The following ACSS1 variants were observed in gnomAD, a reference collection of about 807,000 sequenced individuals.
ACSS1 encodes the protein acyl-CoA synthetase short chain family member 1, also known as acetyl-coenzyme A synthetase 2-like, mitochondrial.
A neutral mutation model predicts 75.3 loss-of-function variants in ACSS1; 42 were observed. The ratio of observed to expected loss-of-function variants is 0.56; its 90% CI spans 0.44 to 0.72. The LOEUF (loss-of-function observed/expected upper bound fraction) is 0.72. Ranked by LOEUF, ACSS1 falls within the 30% of genes least tolerant of loss-of-function variation. The pLI is 0.00. For synonymous variants in ACSS1, 380 were observed against 376.8 expected (o/e 1.01, Z -0.10); for missense variants, 782 against 935.7 (o/e 0.84, Z 2.14).
intron 7 of ACSS1, among the ~76,000 whole-genome samples, chr20:25,015,732 T>TA (rs1316148298): frequency 1.3e-5 from 2 of 152,220 alleles, no homozygotes; most frequent in Non-Finnish European, 2.9e-5. Context: ...GATGTGTTTT[T>TA]ACCATTAGAT....
At chr20:25,011,615 T>A (rs1416351697) in intron 12 of ACSS1, 1 of 152,292 alleles carries the variant, frequency 6.6e-6, no homozygotes, top group Non-Finnish European at 1.5e-5. Context: ...TCTGGACATG[T>A]CACCGGGCAG....
chr20:25,042,969 G>T (rs1034304389), intron 2 of ACSS1, among the ~76,000 whole-genome samples: 1 of 152,132 alleles, frequency 6.6e-6, no homozygotes. Flanking sequence ...GAAAACCAAG[G>T]GTGGGAGAGG....
At chr20:25,030,633 G>A (rs778818894) in intron 3 of ACSS1, 126 bp downstream of exon 3, 109 of 1,098,772 alleles carry the variant, frequency 9.9e-5, no homozygotes, top group Non-Finnish European at 1.4e-4. Context: ...TCCCTAGTAC[G>A]ATCTGTCATT....
rs1377901771 is a variant in ACSS1 at position 25,057,998 on chromosome 20, G to A, written c.105C>T (p.Arg35=). ...ARPPCGVSAP[R]RAASGPSGSA... ...TGCCCGAGGGTCCCGAGGCCGCCCT[G>A]CGCGGCGCGCTCACCCCGCACGGCG... The change falls in exon 1 of 14, where the codon CGC becomes CGT. Residue 35 remains arginine (R), a synonymous_variant. Coordinates refer to ENST00000323482, the MANE Select transcript of ACSS1 (RefSeq NM_032501.4). 1.3e-6 allele frequency: 2 copies of A among 1,499,592 alleles called. No homozygotes were observed. Among genetic ancestry groups the A allele is most frequent in the African/African-American group, 1.4e-5 (1 of 69,198 alleles). 92.9% of individuals were successfully genotyped at this position (1,499,592 alleles called of 1,614,324 possible).
rs893556855 is a variant in ACSS1 at position 25,008,036 on chromosome 20, G to A, written c.1891-95C>T. ...AAGATCAGAAGGGCTCTGCTCAGGG[G>A]GGATGCCCTCCCGGGGATCCACAGT... On this transcript the variant is annotated intron_variant, in intron 13 of 13. Coordinates refer to ENST00000323482, the MANE Select transcript of ACSS1 (RefSeq NM_032501.4). 3 of 1,445,980 alleles carry A rather than the reference G, an allele frequency of 2.1e-6. No individual in the cohort carries two copies. In the African/African-American group the frequency reaches 4.3e-5, roughly 21 times the overall value. The allele number at this position is 1,445,980 out of a possible 1,614,324, so 89.6% of individuals were successfully genotyped here. A position where few individuals can be genotyped will look rare whatever the true frequency, so the allele number is the denominator to read the frequency against.
intron 2 of ACSS1, among the ~76,000 whole-genome samples, chr20:25,043,410 G>A (rs2089036621): frequency 6.6e-6 from 1 of 152,220 alleles, no homozygotes; most frequent in Non-Finnish European, 1.5e-5. Flanking sequence ...GTGTGTGGCA[G>A]CTCCCTCTGC....
At chr20:25,033,342 G>GGTA (rs2088859020) in intron 2 of ACSS1, among the ~76,000 whole-genome samples, 1 of 152,170 alleles carries the variant, frequency 6.6e-6, no homozygotes, top group Non-Finnish European at 1.5e-5. Flanking sequence ...AAAGGCCTGG[G>GGTA]GTAGCTTTCT....
At chr20:25,039,578 C>T (rs561902245) in intron 2 of ACSS1, among the ~76,000 whole-genome samples, 4 of 152,288 alleles carry the variant, frequency 2.6e-5, no homozygotes, top group South Asian at 2.1e-4. Context: ...TGTGGAATGG[C>T]GTTTTCCTTC....
chr20:25,032,395 G>A (rs764227464), intron 2 of ACSS1: 17 of 1,406,686 alleles, frequency 1.2e-5, no homozygotes, highest in African/African-American at 1.5e-5. Flanking sequence ...AGTGGAGGAA[G>A]TGGAAGCGAT....
At chr20:25,031,406 C>T (rs750062130) in intron 2 of ACSS1, among the ~76,000 whole-genome samples, 3 of 152,168 alleles carry the variant, frequency 2.0e-5, no homozygotes, top group Non-Finnish European at 4.4e-5. Flanking sequence ...CCAGATGCCC[C>T]AATATTGCAT....
Position 25,048,122 on chromosome 20 carries a change from G to A in ACSS1, c.394C>T (p.Arg132Cys), listed in dbSNP as rs148434206. The change falls in exon 2 of 14, where the codon CGC becomes TGC. Residue 132 changes from arginine to cysteine, a missense_variant. By Grantham distance (180) the Arg-to-Cys change is radical. This residue lies in a region of ACSS1 where 377 missense variants were observed against 383.1 expected (regional missense o/e 0.98). Transcript: ENST00000323482. ...SPESVALIWE[R>C]DEPGTEVRIT... ...CTCACTTCCGTTCCAGGCTCATCGC[G>A]CTCCCAGATCAAAGCAACGCTCTCG... 29 of 1,613,602 alleles carry A rather than the reference G, an allele frequency of 1.8e-5. No homozygotes were observed. Among genetic ancestry groups the A allele is most frequent in the African/African-American group, 1.6e-4 (12 of 74,928 alleles).
intron 8 of ACSS1, among the ~76,000 whole-genome samples, chr20:25,014,300 G>A (rs114969892): frequency 6.6e-6 from 1 of 152,226 alleles, no homozygotes; most frequent in Non-Finnish European, 1.5e-5. Flanking sequence ...CCACAGCCAG[G>A]TGCAGGCCCC....
chr20:25,010,279 A>G (rs2088383258), intron 12 of ACSS1: 1 of 149,762 alleles, frequency 6.7e-6, no homozygotes, highest in African/African-American at 2.6e-5. Flanking sequence ...TTCCTTGGTG[A>G]TCATCTTTCT....
intron 2 of ACSS1, among the ~76,000 whole-genome samples, chr20:25,036,975 GAAAGAAAGAA>G (rs1449259248): frequency 4.3e-5 from 5 of 116,178 alleles, no homozygotes; most frequent in Non-Finnish European, 9.0e-5. Flanking sequence ...AGAAGAAGAA[GAAAGAAAGAA>G]AAAGAAAGAA....
chr20:25,052,930 C>T (rs2089194081), intron 1 of ACSS1, among the ~76,000 whole-genome samples: 2 of 152,208 alleles, frequency 1.3e-5, no homozygotes, highest in African/African-American at 4.8e-5. Flanking sequence ...AATCCTGACA[C>T]ACACGTACGA....
At chr20:25,038,802 G>T (rs990717439) in intron 2 of ACSS1, among the ~76,000 whole-genome samples, 3 of 152,100 alleles carry the variant, frequency 2.0e-5, no homozygotes, top group Non-Finnish European at 4.4e-5. Flanking sequence ...CTTCCAAAAG[G>T]CCAGAGGGAA....
At position 25,022,360 on chromosome 20, in the gene ACSS1, AAAAACAAAAC is replaced by A. The variant is rs3086647; in HGVS notation, c.960+570_960+579del. On this transcript the variant is annotated intron_variant, in intron 5 of 13. Transcript: ENST00000323482. ...TGGACAACAGAGTGAGACTCCATGA[AAAAACAAAAC>A]AAAACAAAACAAAACAAAACAAAAG... Among the ~76,000 whole-genome samples, 209 of 151,730 alleles carry A rather than the reference AAAAACAAAAC, an allele frequency of 1.4e-3. 1 individual carries two copies. Among genetic ancestry groups the A allele is most frequent in the South Asian group, 9.2e-3 (44 of 4,808 alleles).
chr20:25,029,907 G>A (rs1008287451), intron 3 of ACSS1, among the ~76,000 whole-genome samples: 1 of 152,218 alleles, frequency 6.6e-6, no homozygotes, highest in African/African-American at 2.4e-5. Flanking sequence ...CATAACCTTT[G>A]TAGAGTGCTT....
intron 2 of ACSS1, among the ~76,000 whole-genome samples, chr20:25,034,075 T>C (rs1009367194): frequency 6.6e-6 from 1 of 152,178 alleles, no homozygotes; most frequent in African/African-American, 2.4e-5. Flanking sequence ...GCTCTCTCCC[T>C]TCCTATTTTC....
Sources: allele counts gnomAD v4.1 joint callset (sites outside exome capture counted in the v4.1 genomes callset), GRCh38; gene constraint gnomAD v4.1.1; regional missense constraint gnomAD v4.1.1; transcripts MANE v1.5; gene names NCBI Gene and HGNC (gene_info 2026-07-23, HGNC 2026-07-21).